The following ATXN10 variants were observed in gnomAD, a reference collection of about 807,000 sequenced individuals.
ATXN10 encodes the protein ataxin-10.
Under a neutral mutation model 52.9 loss-of-function variants are expected in ATXN10, and 28 were observed. The observed-to-expected ratio is 0.53, with a 90% confidence interval of 0.39 to 0.73. ATXN10 has a LOEUF of 0.73. ATXN10 is among the 30% of genes least tolerant of loss of function. ATXN10 has a pLI of 0.00. For missense variants in ATXN10, 565 were observed against 577.0 expected (o/e 0.98, Z 0.21); for synonymous variants, 226 against 221.5 (o/e 1.02, Z -0.18).
intron 6 of ATXN10, among the ~76,000 whole-genome samples, chr22:45,723,433 G>T (rs1924741552): frequency 6.6e-6 from 1 of 151,972 alleles, no homozygotes; most frequent in East Asian, 1.9e-4. Context: ...ACATGGATGG[G>T]TTGTATAGTG....
Position 45,774,061 on chromosome 22 carries a change from A to G in ATXN10, c.1174-32898A>G, listed in dbSNP as rs1263240308. Among the ~76,000 whole-genome samples the G allele has an allele frequency of 6.6e-6, 1 of 152,218 alleles. No individual in the cohort carries two copies. Among genetic ancestry groups the G allele is most frequent in the Non-Finnish European group, 1.5e-5 (1 of 68,032 alleles). ...AACAGCCCCTCTTCAGGTCTTGCAG[A>G]CAGAAAGAACCATTTGATGCCATGT... On this transcript the variant is annotated intron_variant, in intron 9 of 11. Transcript: ENST00000252934. This position sits in a 1 kb window ranked among gnomAD's most constrained non-coding sequence, Gnocchi z 6.2.
At chr22:45,742,423 A>G (rs1350359710) in intron 9 of ATXN10, among the ~76,000 whole-genome samples, 1 of 152,170 alleles carries the variant, frequency 6.6e-6, no homozygotes, top group Non-Finnish European at 1.5e-5. Context: ...GATGTAAAGG[A>G]GATACGCTTC....
intron 9 of ATXN10, among the ~76,000 whole-genome samples, chr22:45,741,949 A>C (rs1925553322): frequency 6.6e-6 from 1 of 152,144 alleles, no homozygotes; most frequent in South Asian, 2.1e-4. Flanking sequence ...ATCAAAGAAC[A>C]GTTTGAGGGC....
chr22:45,735,151 T>C (rs574990957), intron 7 of ATXN10, among the ~76,000 whole-genome samples: 162 of 152,230 alleles, frequency 1.1e-3, no homozygotes, highest in African/African-American at 3.8e-3. Context: ...AGTGCTAGGA[T>C]TATAGGCATG....
Position 45,819,233 on chromosome 22 carries a change from A to C in ATXN10, c.1237+12211A>C, listed in dbSNP as rs530758462. On this transcript the variant is annotated intron_variant, in intron 10 of 11. Transcript: ENST00000252934. The surrounding 1 kb of genome is among the most constrained non-coding windows in gnomAD (Gnocchi z 4.5). ...AATAGAATAGAATAGAATAGAATAGAATAGAATAGAATAGAATAGGCTTTT... is the reference window on the plus strand; with the variant it reads ...AATAGAATAGAATAGAATAGAATAGCATAGAATAGAATAGAATAGGCTTTT... Among the ~76,000 whole-genome samples, 1 of 93,662 alleles carries C rather than the reference A, an allele frequency of 1.1e-5. No homozygotes were observed. The highest frequency in any genetic ancestry group is 2.5e-5 in the Non-Finnish European group (1 of 40,732). The allele number at this position is 93,662 out of a possible 152,430, so 61.4% of individuals were successfully genotyped here. A position where few individuals can be genotyped will look rare whatever the true frequency, so the allele number is the denominator to read the frequency against.
rs1248528330 is a variant in ATXN10 at position 45,750,510 on chromosome 22, G to A, written c.1173+9972G>A. ...GAGGGGAAAACCAGCTGTATAAACT[G>A]AGAGCTGTACCTTGTTCCTGTATGG... On this transcript the variant is annotated intron_variant, in intron 9 of 11. Coordinates refer to ENST00000252934, the MANE Select transcript of ATXN10 (RefSeq NM_013236.4). This position sits in a 1 kb window ranked among gnomAD's most constrained non-coding sequence, Gnocchi z 4.2. Among the ~76,000 whole-genome samples the A allele has an allele frequency of 2.6e-5, 4 of 152,202 alleles. No homozygotes were observed. The South Asian group carries it at 8.3e-4, about 32-fold the overall frequency.
At chr22:45,821,796 G>GT (rs1277918170) in intron 10 of ATXN10, among the ~76,000 whole-genome samples, 2 of 152,152 alleles carry the variant, frequency 1.3e-5, no homozygotes, top group Non-Finnish European at 2.9e-5. Context: ...AGTCATCCTA[G>GT]TTTTTTTAAA....
At chr22:45,809,777 TTTA>T (rs1393893541) in intron 10 of ATXN10, among the ~76,000 whole-genome samples, 1 of 152,236 alleles carries the variant, frequency 6.6e-6, no homozygotes, top group African/African-American at 2.4e-5. Flanking sequence ...GATATTTTTC[TTTA>T]TTATTTGTTA....
intron 9 of ATXN10, among the ~76,000 whole-genome samples, chr22:45,796,960 A>C (rs1048925605): frequency 6.6e-6 from 1 of 152,240 alleles, no homozygotes; most frequent in African/African-American, 2.4e-5. Context: ...AATAGACCTA[A>C]GGACAAAGAA....
At position 45,738,793 on chromosome 22, in the gene ATXN10, G is replaced by A. The variant is rs773074558; in HGVS notation, c.957G>A (p.Leu319=). The A allele has an allele frequency of 9.3e-6, 15 of 1,614,158 alleles. No individual in the cohort carries two copies. Among genetic ancestry groups the A allele is most frequent in the Admixed American group, 6.7e-5 (4 of 60,022 alleles). The change falls in exon 8 of 12, where the codon CTG becomes CTA. Residue 319 remains leucine, a synonymous_variant. Transcript: ENST00000252934. ...GCGAAATGACTGTGAATACTGAGCTGCTCGGCTATCTGCAGGTTTTCCCTG... is the reference window on the plus strand; with the variant it reads ...GCGAAATGACTGTGAATACTGAGCTACTCGGCTATCTGCAGGTTTTCCCTG... ...VLCEMTVNTE[L]LGYLQVFPGL...
At chr22:45,725,186 A>T (rs1924817957) in intron 6 of ATXN10, among the ~76,000 whole-genome samples, 1 of 152,030 alleles carries the variant, frequency 6.6e-6, no homozygotes, top group Non-Finnish European at 1.5e-5. Context: ...TTCTAATTGT[A>T]TGAAAAATGA....
chr22:45,727,737 T>A lies in ATXN10; in HGVS notation c.729-1688T>A, dbSNP rs1032680535. ...CATGTGGTCTGTCTTTTCTTAGGTC[T>A]AGTAACTGTTTTGTGAATCTGGGAG... is the stretch of plus-strand genomic sequence containing the variant. On this transcript the variant is annotated intron_variant, in intron 6 of 11. Coordinates refer to ENST00000252934, the MANE Select transcript of ATXN10 (RefSeq NM_013236.4). The surrounding 1 kb of genome is among the most constrained non-coding windows in gnomAD (Gnocchi z 4.6). Among the ~76,000 whole-genome samples, 1 of 152,194 alleles carries A rather than the reference T, an allele frequency of 6.6e-6. No homozygotes were observed. Among genetic ancestry groups the A allele is most frequent in the African/African-American group, 2.4e-5 (1 of 41,458 alleles).
chr22:45,716,204 G>A (rs569933159), intron 5 of ATXN10, among the ~76,000 whole-genome samples: 60 of 152,304 alleles, frequency 3.9e-4, no homozygotes, highest in African/African-American at 1.4e-3. Flanking sequence ...GTTTGAGGGT[G>A]CAGTGAGCTA....
chr22:45,798,199 C>T (rs551450032), intron 9 of ATXN10, among the ~76,000 whole-genome samples: 3 of 152,198 alleles, frequency 2.0e-5, no homozygotes, highest in East Asian at 3.9e-4. Flanking sequence ...TTCCCAAATC[C>T]GGACAAAAAC....
At chr22:45,803,054 A>C (rs914775950) in intron 9 of ATXN10, among the ~76,000 whole-genome samples, 1 of 152,228 alleles carries the variant, frequency 6.6e-6, no homozygotes, top group Admixed American at 6.5e-5. Context: ...TAACAGTGTG[A>C]ATGTCACCAA....
At position 45,784,469 on chromosome 22, in the gene ATXN10, C is replaced by T. The variant is rs147681703; in HGVS notation, c.1174-22490C>T. On this transcript the variant is annotated intron_variant, in intron 9 of 11. Coordinates refer to ENST00000252934, the MANE Select transcript of ATXN10 (RefSeq NM_013236.4). The surrounding 1 kb of genome is among the most constrained non-coding windows in gnomAD (Gnocchi z 4.2). ...ATCTTGATTCGTAAGACATAGTCCC[C>T]TAATTGTAATCTGCACCCCGAGTGT... is the stretch of plus-strand genomic sequence containing the variant. Among the ~76,000 whole-genome samples the T allele has an allele frequency of 2.0e-5, 3 of 152,180 alleles. No homozygotes were observed. Among genetic ancestry groups the T allele is most frequent in the African/African-American group, 7.2e-5 (3 of 41,442 alleles).
At chr22:45,829,152 G>A (rs1928909498) in intron 10 of ATXN10, among the ~76,000 whole-genome samples, 1 of 152,088 alleles carries the variant, frequency 6.6e-6, no homozygotes, top group African/African-American at 2.4e-5. Context: ...TGCAGAAAAA[G>A]CATTTGACAA....
rs1016738654 is a variant in ATXN10, at chr22:45,715,531, CTGT to C, written c.648-2868_648-2866del. On this transcript the variant is annotated intron_variant, in intron 5 of 11. Coordinates refer to ENST00000252934, the MANE Select transcript of ATXN10 (RefSeq NM_013236.4). This position sits in a 1 kb window ranked among gnomAD's most constrained non-coding sequence, Gnocchi z 4.4. ...TAACATGAGTTGTTTTTGTTATTTGCTGTTGTTGTTGTTGTTAAGCTCATTAGC... is the reference window on the plus strand; with the variant it reads ...TAACATGAGTTGTTTTTGTTATTTGCTGTTGTTGTTGTTAAGCTCATTAGC... Among the ~76,000 whole-genome samples, 11 of 152,032 alleles carry C rather than the reference CTGT, an allele frequency of 7.2e-5. No individual in the cohort carries two copies. The highest frequency in any genetic ancestry group is 6.2e-4 in the South Asian group (3 of 4,822).
chr22:45,749,395 A>C (rs996560663), intron 9 of ATXN10, among the ~76,000 whole-genome samples: 5 of 152,154 alleles, frequency 3.3e-5, no homozygotes, highest in Admixed American at 6.5e-5. Flanking sequence ...TCACCACAAA[A>C]GAAGATGTTT....
Sources: allele counts gnomAD v4.1 joint callset (sites outside exome capture counted in the v4.1 genomes callset), GRCh38; gene constraint gnomAD v4.1.1; non-coding constraint Gnocchi (gnomAD v3.1); transcripts MANE v1.5; gene names NCBI Gene and HGNC (gene_info 2026-07-23, HGNC 2026-07-21).